The following PLCG2 variants were observed in gnomAD, a reference collection of about 807,000 sequenced individuals.
PLCG2 encodes 1-phosphatidylinositol 4,5-bisphosphate phosphodiesterase gamma-2.
In PLCG2, 69 loss-of-function variants were observed where a neutral mutation model predicts 175.6. That is an observed-to-expected ratio of 0.39 (90% CI 0.32 to 0.48). PLCG2 has a LOEUF of 0.48. Among genes scored for constraint, PLCG2 ranks in the 20% least tolerant of loss-of-function variants. The pLI, the probability that PLCG2 is intolerant of heterozygous loss-of-function variation, is 0.91. For synonymous variants in PLCG2, 827 were observed against 624.0 expected, an observed-to-expected ratio of 1.33 and a Z score of -4.85; for missense variants, 1,798 against 1,650.9, an observed-to-expected ratio of 1.09 and a Z score of -1.54.
At chr16:81,863,879 G>T (rs542690221) in intron 5 of PLCG2, among the ~76,000 whole-genome samples, 1 of 152,298 alleles carries the variant, frequency 6.6e-6, no homozygotes, top group South Asian at 2.1e-4. Context: ...GCAGGTGGAA[G>T]GCAGGTGGGT....
intron 17 of PLCG2, among the ~76,000 whole-genome samples, chr16:81,908,871 C>G (rs997015211): frequency 6.6e-6 from 1 of 152,178 alleles, no homozygotes; most frequent in Non-Finnish European, 1.5e-5. Context: ...TAAACAAAGA[C>G]AAGATCTGAC....
At chr16:81,934,382 A>T in intron 25 of PLCG2, 47 bp from the exon 26 acceptor site, 2 of 1,178,454 alleles carry the variant, frequency 1.7e-6, no homozygotes, top group South Asian at 1.2e-5. Context: ...AGCTGGGAAG[A>T]TGGGATTTCT....
rs73596833 is a variant in PLCG2, at chr16:81,892,395, T to C, written c.986+805T>C. On this transcript the variant is annotated intron_variant, in intron 11 of 32. Transcript: ENST00000564138. ...ATGTTCCAGTATTTAGTCTGTCTTA[T>C]TGGGTGAGGGGTGAAGTCCTTGGGT... Among the ~76,000 whole-genome samples the C allele has an allele frequency of 2.0e-5, 3 of 152,124 alleles. No individual in the cohort carries two copies. The South Asian group carries it at 6.2e-4, about 32-fold the overall frequency.
At chr16:81,859,244 C>T in intron 5 of PLCG2, 81 bp downstream of exon 5, 1 of 916,050 alleles carries the variant, frequency 1.1e-6, no homozygotes, top group East Asian at 2.4e-5. Context: ...GGGGTGGGAG[C>T]ATGACTTGTC....
At chr16:81,842,956 GGTTT>G (rs1905914289) in intron 2 of PLCG2, 1 of 130,068 alleles carries the variant, frequency 7.7e-6, no homozygotes, top group Non-Finnish European at 1.6e-5. Context: ...AGTGTGTGGG[GGTTT>G]GTTTGCAGGG....
chr16:81,891,353 G>A (rs1184190546), intron 10 of PLCG2, 119 bp from the exon 11 acceptor site: 5 of 701,034 alleles, frequency 7.1e-6, no homozygotes, highest in South Asian at 3.2e-5. Context: ...TCTGGAGACC[G>A]CCTGTTGATT....
intron 14 of PLCG2, 120 bp from the exon 15 acceptor site, chr16:81,905,283 A>T: frequency 1.5e-6 from 1 of 685,310 alleles, no homozygotes. Context: ...GAGGGAAGCC[A>T]GGCAGCAAGA....
At chr16:81,956,189 A>C (rs1189518068) in intron 31 of PLCG2, among the ~76,000 whole-genome samples, 1 of 152,332 alleles carries the variant, frequency 6.6e-6, no homozygotes, top group Non-Finnish European at 1.5e-5. Flanking sequence ...TTCACTTAGC[A>C]TAATGTTTTC....
At chr16:81,932,678 C>T (rs938048672) in intron 25 of PLCG2, among the ~76,000 whole-genome samples, 8 of 152,224 alleles carry the variant, frequency 5.3e-5, no homozygotes, top group African/African-American at 1.9e-4. Flanking sequence ...TTGACTCACT[C>T]AACTCTTCTG....
chr16:81,952,465 C>T (rs1215409816), intron 31 of PLCG2, among the ~76,000 whole-genome samples: 1 of 151,918 alleles, frequency 6.6e-6, no homozygotes, highest in African/African-American at 2.4e-5. Flanking sequence ...GATTTCCAGA[C>T]ATGGGATAAA....
intron 2 of PLCG2, among the ~76,000 whole-genome samples, chr16:81,791,373 G>A (rs564295961): frequency 1.3e-5 from 2 of 152,058 alleles, no homozygotes; most frequent in Admixed American, 6.5e-5. Context: ...TGGGATTAAT[G>A]GGTGTCATGT....
intron 2 of PLCG2, among the ~76,000 whole-genome samples, chr16:81,826,565 A>G (rs1905057768): frequency 6.6e-6 from 1 of 152,256 alleles, no homozygotes; most frequent in Non-Finnish European, 1.5e-5. Context: ...ACACATGTTC[A>G]GTCAGTGATA....
At chr16:81,791,672 C>T (rs1422362285) in intron 2 of PLCG2, among the ~76,000 whole-genome samples, 1 of 152,198 alleles carries the variant, frequency 6.6e-6, no homozygotes, top group African/African-American at 2.4e-5. Context: ...TCAAGCTATT[C>T]TCCCACCTCA....
At chr16:81,957,932 A>T in intron 32 of PLCG2, 24 bp from the exon 33 acceptor site, 1 of 1,611,168 alleles carries the variant, frequency 6.2e-7, no homozygotes, top group East Asian at 2.2e-5. Context: ...CCCACTGCTG[A>T]TGGTGAAATC....
At chr16:81,938,959 A>T in intron 29 of PLCG2, 44 bp downstream of exon 29, 1 of 1,130,392 alleles carries the variant, frequency 8.8e-7, no homozygotes, top group East Asian at 2.4e-5. Flanking sequence ...ACGTCCGGCC[A>T]GTGAATCCTT....
chr16:81,896,092 T>C (rs1444589585), intron 13 of PLCG2, among the ~76,000 whole-genome samples, 165 bp downstream of exon 13: 1 of 151,702 alleles, frequency 6.6e-6, no homozygotes, highest in East Asian at 1.9e-4. Context: ...CTCACCCGAG[T>C]GTTGGCACCC....
chr16:81,830,852 A>G (rs908810266), intron 2 of PLCG2, among the ~76,000 whole-genome samples: 1 of 151,866 alleles, frequency 6.6e-6, no homozygotes. Context: ...CTGAGGGTAT[A>G]TGCAAGTGCA....
rs976622828 is a variant in PLCG2, at chr16:81,959,849, C to T, written c.*1851C>T. On this transcript the variant is annotated 3_prime_UTR_variant, in exon 33 of 33. Transcript: ENST00000564138. The stretch of plus-strand genomic sequence containing the variant: ...CTGTTAGGACTTCCACACAGCAGAG[C>T]TCAGGTGTTGCTGTCATTACCTCCT... 4 of 186,776 alleles carry T rather than the reference C, an allele frequency of 2.1e-5. No individual in the cohort carries two copies. Among genetic ancestry groups the T allele is most frequent in the African/African-American group, 9.4e-5 (4 of 42,734 alleles). 11.6% of individuals were successfully genotyped at this position (186,776 alleles called of 1,614,324 possible). A position where few individuals can be genotyped will look rare whatever the true frequency, so the allele number is the denominator to read the frequency against.
intron 5 of PLCG2, among the ~76,000 whole-genome samples, chr16:81,864,825 C>T (rs1907150255): frequency 6.6e-6 from 1 of 152,022 alleles, no homozygotes; most frequent in Non-Finnish European, 1.5e-5. Flanking sequence ...CCCTGGGGGC[C>T]TCCCGGGCTG....
Sources: allele counts gnomAD v4.1 joint callset (sites outside exome capture counted in the v4.1 genomes callset), GRCh38; gene constraint gnomAD v4.1.1; transcripts MANE v1.5; gene names NCBI Gene and HGNC (gene_info 2026-07-23, HGNC 2026-07-21).